The following DYNC1I1 variants were observed in gnomAD, a reference collection of about 807,000 sequenced individuals.
The protein encoded by DYNC1I1 is cytoplasmic dynein 1 intermediate chain 1.
A neutral mutation model predicts 86.6 loss-of-function variants in DYNC1I1; 43 were observed. That is an observed-to-expected ratio of 0.50 (90% CI 0.39 to 0.64). DYNC1I1 has a LOEUF of 0.64. Ranked by LOEUF, DYNC1I1 falls within the 30% of genes least tolerant of loss-of-function variation. DYNC1I1 has a pLI of 0.00. For missense variants in DYNC1I1, 604 were observed against 788.8 expected (o/e 0.77, Z 2.81); for synonymous variants, 262 against 283.7 (o/e 0.92, Z 0.77).
chr7:96,104,354 A>G lies in DYNC1I1; in HGVS notation c.1543-5625A>G, dbSNP rs7806485. Among the ~76,000 whole-genome samples the G allele has an allele frequency of 7.7e-3, 1,165 of 152,254 alleles. 19 individuals carry two copies. The highest frequency in any genetic ancestry group is 0.026 in the African/African-American group (1,087 of 41,578). On this transcript the variant is annotated intron_variant, in intron 16 of 16. Transcript: ENST00000537881. ...CATTTCCTTAATATAATATTTTGATATGCAAAAATTTTAAATTTTGCTGAG... is the reference window on the plus strand; with the variant it reads ...CATTTCCTTAATATAATATTTTGATGTGCAAAAATTTTAAATTTTGCTGAG...
chr7:95,886,906 G>C (rs1790608371), intron 6 of DYNC1I1, among the ~76,000 whole-genome samples: 1 of 152,158 alleles, frequency 6.6e-6, no homozygotes, highest in South Asian at 2.1e-4. Context: ...TCAATGCCTC[G>C]TTTCTGTTTA....
intron 6 of DYNC1I1, among the ~76,000 whole-genome samples, chr7:95,882,659 A>G (rs1790485278): frequency 6.6e-6 from 1 of 152,086 alleles, no homozygotes; most frequent in South Asian, 2.1e-4. Context: ...ATCTGGGACC[A>G]TTTTCTCTTA....
In DYNC1I1 at chr7:95,835,988, C is replaced by G. The variant is rs367641177; in HGVS notation, c.374+7872C>G. Among the ~76,000 whole-genome samples, 9 of 152,026 alleles carry G rather than the reference C, an allele frequency of 5.9e-5. No individual in the cohort carries two copies. The South Asian group carries it at 6.3e-4, about 11-fold the overall frequency. ...TCCATTTACATTTAAAGTTAATATT[C>G]TTATGTGTGAATTTGATCCTGTCAT... On this transcript the variant is annotated intron_variant, in intron 5 of 16. Coordinates refer to ENST00000447467, the MANE Select transcript of DYNC1I1 (RefSeq NM_001135556.2).
intron 6 of DYNC1I1, among the ~76,000 whole-genome samples, chr7:95,945,551 G>T (rs376095903): frequency 6.6e-6 from 1 of 152,102 alleles, no homozygotes; most frequent in African/African-American, 2.4e-5. Context: ...TTCACATAAT[G>T]CATTCATTTT....
chr7:95,943,110 A>G (rs1376839479), intron 6 of DYNC1I1, among the ~76,000 whole-genome samples: 2 of 143,404 alleles, frequency 1.4e-5, no homozygotes, highest in Admixed American at 1.4e-4. Flanking sequence ...ACATGATTGT[A>G]TATCTAGAAA....
At chr7:95,956,415 G>T in intron 6 of DYNC1I1, among the ~76,000 whole-genome samples, 1 of 149,586 alleles carries the variant, frequency 6.7e-6, no homozygotes. Context: ...TTAAGTTCTG[G>T]GATACATGTG....
At chr7:95,927,783 A>T (rs1005516608) in intron 6 of DYNC1I1, among the ~76,000 whole-genome samples, 6 of 152,216 alleles carry the variant, frequency 3.9e-5, no homozygotes, top group African/African-American at 1.4e-4. Flanking sequence ...CAGCTCTCAG[A>T]TAAGAGGCAA....
intron 14 of DYNC1I1, among the ~76,000 whole-genome samples, chr7:96,057,432 C>G (rs1049558596): frequency 2.6e-5 from 4 of 152,102 alleles, no homozygotes; most frequent in African/African-American, 9.7e-5. Flanking sequence ...GTAATTGGGT[C>G]AGTTAGAATT....
intron 6 of DYNC1I1, among the ~76,000 whole-genome samples, chr7:95,971,716 T>C (rs1167319747): frequency 6.6e-6 from 1 of 152,216 alleles, no homozygotes; most frequent in Non-Finnish European, 1.5e-5. Context: ...TATAGTTTAA[T>C]AGCAGTAATC....
intron 6 of DYNC1I1, among the ~76,000 whole-genome samples, chr7:95,910,936 TA>T (rs1421934692): frequency 6.6e-6 from 1 of 152,216 alleles, no homozygotes; most frequent in East Asian, 1.9e-4. Context: ...TCATGATCAT[TA>T]TTTTTTTGGA....
intron 5 of DYNC1I1, among the ~76,000 whole-genome samples, chr7:95,865,499 AT>A (rs1415854031): frequency 1.3e-5 from 2 of 152,164 alleles, no homozygotes; most frequent in East Asian, 3.9e-4. Context: ...GGCCCAGGGT[AT>A]GGCATAAATT....
rs201767152 is a variant in DYNC1I1, at chr7:96,080,415, G to A, written c.1703G>A (p.Arg568His). The A allele has an allele frequency of 1.3e-4, 210 of 1,613,996 alleles. No homozygotes were observed. The highest frequency in any genetic ancestry group is 2.3e-4 in the African/African-American group (17 of 74,926). ...GGGGCATCCGCCCTAAACCGTGTTC[G>A]TTGGGCCCAAGCTGGCAAAGAAGTT... ...IEGASALNRV[R>H]WAQAGKEVAV... The change falls in exon 16 of 17, where the codon CGT becomes CAT. Residue 568 changes from arginine (R) to histidine (H), a missense_variant. By Grantham distance (29) the Arg-to-His change is conservative (BLOSUM62 0). Transcript: ENST00000447467.
At chr7:96,028,101 GT>G in intron 10 of DYNC1I1, 73 bp from the exon 11 acceptor site, 1 of 1,560,916 alleles carries the variant, frequency 6.4e-7, no homozygotes, top group Non-Finnish European at 8.7e-7. Context: ...GTGATGAACT[GT>G]TTTCAGGAAG....
chr7:95,818,617 A>G, intron 4 of DYNC1I1: 1 of 579,252 alleles, frequency 1.7e-6, no homozygotes, highest in Non-Finnish European at 3.1e-6. Context: ...AAGTGCTGAG[A>G]TTACAGGCAG....
chr7:95,902,330 C>T (rs563176937), intron 6 of DYNC1I1, among the ~76,000 whole-genome samples: 3 of 152,204 alleles, frequency 2.0e-5, no homozygotes, highest in Admixed American at 2.0e-4. Flanking sequence ...CATTTAGTTG[C>T]CTCCAATAGC....
intron 16 of DYNC1I1, among the ~76,000 whole-genome samples, chr7:96,093,571 T>C (rs988125359): frequency 1.3e-5 from 2 of 152,180 alleles, no homozygotes; most frequent in Non-Finnish European, 2.9e-5. Context: ...ATGCTTTATA[T>C]GTTTAGCAAA....
chr7:96,049,327 T>A (rs1789320532), intron 14 of DYNC1I1, among the ~76,000 whole-genome samples: 1 of 151,854 alleles, frequency 6.6e-6, no homozygotes, highest in African/African-American at 2.4e-5. Context: ...AACCTTTATC[T>A]TAATAAAAGA....
At chr7:95,911,437 T>C (rs1791332238) in intron 6 of DYNC1I1, among the ~76,000 whole-genome samples, 1 of 151,920 alleles carries the variant, frequency 6.6e-6, no homozygotes, top group South Asian at 2.1e-4. Flanking sequence ...ACTTCTCTGC[T>C]TCAGTTAAGG....
chr7:95,973,589 A>G (rs1793230111), intron 6 of DYNC1I1, among the ~76,000 whole-genome samples: 1 of 152,220 alleles, frequency 6.6e-6, no homozygotes, highest in South Asian at 2.1e-4. Flanking sequence ...CATTCAAGGA[A>G]TTAGATAACC....
Sources: allele counts gnomAD v4.1 joint callset (sites outside exome capture counted in the v4.1 genomes callset), GRCh38; gene constraint gnomAD v4.1.1; transcripts MANE v1.5; gene names NCBI Gene and HGNC (gene_info 2026-07-23, HGNC 2026-07-21).